The following CHRM3 variants were observed in gnomAD, a reference collection of about 807,000 sequenced individuals.
The protein encoded by CHRM3 is muscarinic acetylcholine receptor M3.
A neutral mutation model predicts 41.8 loss-of-function variants in CHRM3; 11 were observed. The observed-to-expected ratio is 0.26, with a 90% CI of 0.17 to 0.44. The LOEUF (loss-of-function observed/expected upper bound fraction) is 0.44. CHRM3 is among the 20% of genes least tolerant of loss of function. The pLI is 1.00. For missense variants in CHRM3, 571 were observed against 745.4 expected (o/e 0.77, Z 2.72); for synonymous variants, 297 against 301.4 (o/e 0.99, Z 0.15).
chr1:239,850,144 T>C (rs1553283532), intron 6 of CHRM3, among the ~76,000 whole-genome samples: 1 of 152,206 alleles, frequency 6.6e-6, no homozygotes, highest in Non-Finnish European at 1.5e-5. Flanking sequence ...TTGACACATA[T>C]TTTGTTTGTT....
intron 1 of CHRM3, among the ~76,000 whole-genome samples, chr1:239,473,807 A>C (rs1056708990): frequency 1.3e-5 from 2 of 152,058 alleles, no homozygotes; most frequent in Non-Finnish European, 2.9e-5. Flanking sequence ...CCAGTTCTGC[A>C]CTGTTAAGGC....
chr1:239,776,730 A>G (rs1436846279), intron 5 of CHRM3, among the ~76,000 whole-genome samples: 1 of 152,212 alleles, frequency 6.6e-6, no homozygotes, highest in Non-Finnish European at 1.5e-5. Flanking sequence ...TTTATAAAGG[A>G]AAGAGGTTTA....
intron 4 of CHRM3, among the ~76,000 whole-genome samples, chr1:239,671,671 A>C (rs1280640319): frequency 6.6e-6 from 1 of 150,444 alleles, no homozygotes; most frequent in African/African-American, 2.4e-5. Flanking sequence ...ATTTTATTTT[A>C]CTTTTTTTTT....
At chr1:239,876,518 C>T (rs2149348646) in intron 6 of CHRM3, among the ~76,000 whole-genome samples, 1 of 152,284 alleles carries the variant, frequency 6.6e-6, no homozygotes, top group Middle Eastern at 3.4e-3. Context: ...CCTCAGTTTC[C>T]TCTGCAAACC....
chr1:239,735,813 A>G (rs1664346983), intron 5 of CHRM3, among the ~76,000 whole-genome samples: 1 of 152,138 alleles, frequency 6.6e-6, no homozygotes, highest in Non-Finnish European at 1.5e-5. Context: ...CAACAACACA[A>G]ACACATCAGA....
At chr1:239,734,466 A>G (rs575262809) in intron 5 of CHRM3, among the ~76,000 whole-genome samples, 25 of 152,228 alleles carry the variant, frequency 1.6e-4, no homozygotes, top group African/African-American at 5.3e-4. Context: ...GGTAACTTTT[A>G]CAGAATGCTA....
chr1:239,549,495 C>CAA (rs66834618), intron 3 of CHRM3, among the ~76,000 whole-genome samples: 29 of 106,996 alleles, frequency 2.7e-4, no homozygotes, highest in South Asian at 2.4e-3. Context: ...ACTAAAAATA[C>CAA]AAAAAAAAAA....
chr1:239,407,417 T>TATATATATATATATATAGAGAGAG lies in CHRM3; in HGVS notation c.-521+20191_-521+20192insTATATATATATATATAGAGAGAGA. 3.0e-5 allele frequency among the ~76,000 whole-genome samples: 4 copies of TATATATATATATATATAGAGAGAG among 134,124 alleles called. No homozygotes were observed. The South Asian group carries it at 7.1e-4, about 24-fold the overall frequency. The allele number at this position is 134,124 out of a possible 152,430, so 88.0% of individuals were successfully genotyped here. On this transcript the variant is annotated intron_variant, in intron 1 of 6. Coordinates refer to ENST00000676153, the MANE Select transcript of CHRM3 (RefSeq NM_001375978.1). The stretch of plus-strand genomic sequence containing the variant: ...ACCAATGACTATAAATATATATATA[T>TATATATATATATATATAGAGAGAG]AGAGAGAGAGAGAGAGAGAGAGAGC...
intron 5 of CHRM3, among the ~76,000 whole-genome samples, chr1:239,749,610 G>C (rs1241334576): frequency 6.6e-6 from 1 of 152,196 alleles, no homozygotes; most frequent in Non-Finnish European, 1.5e-5. Flanking sequence ...GGAGGCTGTA[G>C]TGAGCAGAGA....
At chr1:239,620,310 C>A (rs1342492820) in intron 3 of CHRM3, among the ~76,000 whole-genome samples, 1 of 152,130 alleles carries the variant, frequency 6.6e-6, no homozygotes, top group Non-Finnish European at 1.5e-5. Context: ...AACCTCAGAA[C>A]CTTGGCCAAA....
At chr1:239,693,411 T>C (rs1343003928) in intron 5 of CHRM3, among the ~76,000 whole-genome samples, 4 of 152,128 alleles carry the variant, frequency 2.6e-5, no homozygotes, top group African/African-American at 9.7e-5. Flanking sequence ...GGTGGCATTC[T>C]GCAAGCCAAG....
At chr1:239,507,584 A>G (rs1668660551) in intron 2 of CHRM3, among the ~76,000 whole-genome samples, 1 of 152,242 alleles carries the variant, frequency 6.6e-6, no homozygotes, top group Non-Finnish European at 1.5e-5. Flanking sequence ...ATTCTTGATA[A>G]TAACAGTGAA....
chr1:239,607,993 T>C (rs1244667193), intron 3 of CHRM3, among the ~76,000 whole-genome samples: 6 of 152,200 alleles, frequency 3.9e-5, no homozygotes, highest in African/African-American at 1.2e-4. Flanking sequence ...GGAGTTTATG[T>C]ATTTTAAAAG....
chr1:239,692,992 T>C lies in CHRM3; in HGVS notation c.-147+14704T>C, dbSNP rs182926025. The stretch of plus-strand genomic sequence containing the variant: ...TTCTATGAATTTTGTTCATGTACTT[T>C]GTAAGTGTACATCTTAAGTGCATTT... On this transcript the variant is annotated intron_variant, in intron 5 of 6. Coordinates refer to ENST00000676153, the MANE Select transcript of CHRM3 (RefSeq NM_001375978.1). 1.6e-4 allele frequency among the ~76,000 whole-genome samples: 25 copies of C among 152,348 alleles called. No individual in the cohort carries two copies. The East Asian group carries it at 4.8e-3, about 29-fold the overall frequency.
At chr1:239,691,146 C>T (rs1262821846) in intron 5 of CHRM3, among the ~76,000 whole-genome samples, 3 of 152,054 alleles carry the variant, frequency 2.0e-5, no homozygotes, top group Admixed American at 6.6e-5. Flanking sequence ...CCATTCAGGT[C>T]ACCAGACCCC....
intron 1 of CHRM3, among the ~76,000 whole-genome samples, chr1:239,395,659 G>T (rs1659416798): frequency 6.6e-6 from 1 of 152,156 alleles, no homozygotes; most frequent in African/African-American, 2.4e-5. Context: ...TGGGGCCTGA[G>T]AATCTGCATT....
At chr1:239,639,356 GT>G (rs1670841650) in intron 4 of CHRM3, among the ~76,000 whole-genome samples, 1 of 152,182 alleles carries the variant, frequency 6.6e-6, no homozygotes, top group African/African-American at 2.4e-5. Flanking sequence ...ACCTTGGACA[GT>G]ATGGCCATTT....
intron 6 of CHRM3, among the ~76,000 whole-genome samples, chr1:239,900,900 C>T (rs1192247429): frequency 2.0e-5 from 3 of 152,114 alleles, no homozygotes; most frequent in Non-Finnish European, 4.4e-5. Flanking sequence ...TAACTTGCCT[C>T]GAAGCTGCCT....
intron 6 of CHRM3, among the ~76,000 whole-genome samples, chr1:239,854,525 G>T (rs1674950197): frequency 6.6e-6 from 1 of 152,068 alleles, no homozygotes; most frequent in Non-Finnish European, 1.5e-5. Context: ...ATAAAAGGAA[G>T]AAGAAATACT....
Sources: gnomAD v4.1 joint callset for allele counts (sites outside exome capture counted in the v4.1 genomes callset) on GRCh38, gnomAD v4.1.1 for gene constraint, MANE v1.5 for transcripts, NCBI Gene and HGNC (gene_info 2026-07-23, HGNC 2026-07-21) for gene names.